IQUB: variants seen among roughly 807,000 people sequenced by gnomAD.
IQUB encodes IQ motif and ubiquitin domain containing, also known as IQ motif and ubiquitin-like domain-containing protein.
Under a neutral mutation model 86.4 loss-of-function variants are expected in IQUB, and 86 were observed. The observed-to-expected ratio is 1.00, with a 90% CI of 0.84 to 1.19. The LOEUF is 1.19. IQUB is among the 50% of genes most tolerant of loss of function. The pLI is 0.00. For missense variants in IQUB, 946 were observed against 916.9 expected, an observed-to-expected ratio of 1.03 and a Z score of -0.41; for synonymous variants, 289 against 304.5, an observed-to-expected ratio of 0.95 and a Z score of 0.53.
intron 12 of IQUB, among the ~76,000 whole-genome samples, chr7:123,453,288 TTAA>T (rs1374456306): frequency 8.2e-6 from 1 of 122,596 alleles, no homozygotes; most frequent in African/African-American, 2.7e-5. Flanking sequence ...ATATATATTA[TTAA>T]TGTTATAGAT....
In IQUB at chr7:123,496,812, G is replaced by A; in HGVS notation, c.1118C>T (p.Thr373Ile). The A allele has an allele frequency of 6.2e-7, 1 of 1,612,418 alleles. No individual in the cohort carries two copies. ...RQKSLRLEWE[T>I]QQELRKIREK... ...TCTTATCTTCCTTAGTTCTTGCTGT[G>A]TTTCCCATTCCAGTCTTAAGCTTTT... The change falls in exon 7 of 13, where the codon ACA (threonine) becomes ATA (isoleucine). Residue 373 changes from threonine to isoleucine, a missense_variant. Physicochemically the swap from Thr to Ile is moderately conservative, Grantham distance 89. Transcript: ENST00000324698.
intron 8 of IQUB, among the ~76,000 whole-genome samples, chr7:123,473,619 A>G (rs889339954): frequency 6.6e-6 from 1 of 152,068 alleles, no homozygotes; most frequent in Non-Finnish European, 1.5e-5. Flanking sequence ...TCTGTTGCCC[A>G]GGCTGGAGTG....
chr7:123,480,723 A>T (rs1794967412), intron 7 of IQUB, among the ~76,000 whole-genome samples: 1 of 152,050 alleles, frequency 6.6e-6, no homozygotes, highest in Non-Finnish European at 1.5e-5. Context: ...TGTTGATTTC[A>T]GTCATTTCCT....
chr7:123,524,545 G>T (rs1185759588), intron 1 of IQUB, among the ~76,000 whole-genome samples: 1 of 147,276 alleles, frequency 6.8e-6, no homozygotes, highest in Non-Finnish European at 1.5e-5. Flanking sequence ...TTTGTACATT[G>T]ATTTTGTATC....
At chr7:123,458,241 C>G (rs1467480514) in intron 11 of IQUB, 5 of 151,890 alleles carry the variant, frequency 3.3e-5, no homozygotes, top group Non-Finnish European at 7.4e-5. Flanking sequence ...CTTGGAATGA[C>G]TTTTTATCAT....
chr7:123,494,933 A>C (rs552858812), intron 7 of IQUB, among the ~76,000 whole-genome samples: 3 of 152,208 alleles, frequency 2.0e-5, no homozygotes, highest in Admixed American at 2.0e-4. Flanking sequence ...TAACCACACA[A>C]AGATAACAAT....
In IQUB at chr7:123,464,829, A is replaced by G. The variant is rs1382942323; in HGVS notation, c.1758+4T>C. The G allele has an allele frequency of 6.5e-7, 1 of 1,537,486 alleles. No homozygotes were observed. The highest frequency in any genetic ancestry group is 2.2e-5 in the Admixed American group (1 of 46,112). On this transcript the variant is annotated splice_donor_region_variant and intron_variant, in intron 10 of 12. Transcript: ENST00000324698. ...ACAGGAATATAGAGAAAAATGTAGA[A>G]TACCTTAAGGTATTTTGCAACTTCA...
Position 123,459,653 on chromosome 7 carries a change from A to ACAT in IQUB, c.2007+1701_2007+1703dup, listed in dbSNP as rs762985028. 7 of 152,044 alleles carry ACAT rather than the reference A, an allele frequency of 4.6e-5. No individual in the cohort carries two copies. The East Asian group carries it at 1.2e-3, about 25-fold the overall frequency. The allele number at this position is 152,044 out of a possible 1,614,324, so 9.4% of individuals were successfully genotyped here. On this transcript the variant is annotated intron_variant, in intron 11 of 12. Transcript: ENST00000324698. ...ATCTCCTTATATGTATATATATATA[A>ACAT]CATATATGTATAACATTTTCTATTG...
chr7:123,457,367 T>C lies in IQUB; in HGVS notation c.2193+14A>G. On this transcript the variant is annotated intron_variant, in intron 12 of 12. Coordinates refer to ENST00000324698, the MANE Select transcript of IQUB (RefSeq NM_178827.5). ...GATTAAATTAACTTCCCAAATAAAA[T>C]TCAACTTTCTTACCTCTTCAATACT... is the stretch of plus-strand genomic sequence containing the variant. 1 of 1,602,446 alleles carries C rather than the reference T, an allele frequency of 6.2e-7. No individual in the cohort carries two copies. The highest frequency in any genetic ancestry group is 8.5e-7 in the Non-Finnish European group (1 of 1,175,690).
intron 1 of IQUB, among the ~76,000 whole-genome samples, chr7:123,522,899 A>T (rs935094944): frequency 6.3e-5 from 8 of 126,084 alleles, no homozygotes; most frequent in South Asian, 2.6e-4. Context: ...TTCCCCTTCC[A>T]GTGTCCATGT....
chr7:123,504,061 G>A (rs1021417881), intron 3 of IQUB, among the ~76,000 whole-genome samples: 1 of 152,042 alleles, frequency 6.6e-6, no homozygotes, highest in Non-Finnish European at 1.5e-5. Flanking sequence ...CATATCAAGA[G>A]GAAGGATAAT....
chr7:123,504,720 T>G (rs370901805), intron 3 of IQUB, among the ~76,000 whole-genome samples: 2 of 152,166 alleles, frequency 1.3e-5, no homozygotes, highest in African/African-American at 4.8e-5. Context: ...CCTCCAACAC[T>G]GAGGATTACA....
chr7:123,460,731 T>C lies in IQUB; in HGVS notation c.2007+626A>G, dbSNP rs566161798. Among the ~76,000 whole-genome samples the C allele has an allele frequency of 2.6e-5, 4 of 152,020 alleles. No homozygotes were observed. The South Asian group carries it at 6.2e-4, about 24-fold the overall frequency. ...AGACTATCCTCTGGCCTAAACCCAA[T>C]AGAAGACATGGAATAACCAAAGAGA... On this transcript the variant is annotated intron_variant, in intron 11 of 12. Coordinates refer to ENST00000324698, the MANE Select transcript of IQUB (RefSeq NM_178827.5).
intron 9 of IQUB, among the ~76,000 whole-genome samples, chr7:123,468,796 G>A (rs1298111388): frequency 1.3e-5 from 2 of 152,104 alleles, no homozygotes; most frequent in Non-Finnish European, 2.9e-5. Context: ...TTTGATCTGT[G>A]ACATCCACTA....
chr7:123,458,244 T>C (rs1163735839), intron 11 of IQUB: 1 of 152,022 alleles, frequency 6.6e-6, no homozygotes, highest in African/African-American at 2.4e-5. Flanking sequence ...GGAATGACTT[T>C]TTATCATGGG....
chr7:123,505,235 G>C (rs1796124287), intron 3 of IQUB, among the ~76,000 whole-genome samples: 1 of 152,206 alleles, frequency 6.6e-6, no homozygotes, highest in African/African-American at 2.4e-5. Context: ...AGCTGGCACT[G>C]AGTGTCTGCG....
At chr7:123,486,357 C>A (rs1006615084) in intron 7 of IQUB, among the ~76,000 whole-genome samples, 4 of 152,158 alleles carry the variant, frequency 2.6e-5, no homozygotes, top group African/African-American at 9.7e-5. Context: ...CCTGCACACC[C>A]TTTGAAGCCT....
At chr7:123,491,723 G>C (rs1795474159) in intron 7 of IQUB, among the ~76,000 whole-genome samples, 2 of 152,250 alleles carry the variant, frequency 1.3e-5, no homozygotes, top group South Asian at 4.1e-4. Context: ...TCCAGACCTA[G>C]TTGGTGTCAC....
rs1053099289 is a variant in IQUB at position 123,527,169 on chromosome 7, C to T, written c.-5+7323G>A. On this transcript the variant is annotated intron_variant, in intron 1 of 12. Coordinates refer to ENST00000324698, the MANE Select transcript of IQUB (RefSeq NM_178827.5). Reference sequence around the variant, plus strand: ...GAGCCTTGGTTTTCAGCTCCATCAGCTCCTTTAAGCACTTTTCTTTATTGG... The same window carrying T: ...GAGCCTTGGTTTTCAGCTCCATCAGTTCCTTTAAGCACTTTTCTTTATTGG... 6.6e-5 allele frequency among the ~76,000 whole-genome samples: 10 copies of T among 152,140 alleles called. No individual in the cohort carries two copies. The East Asian group carries it at 7.7e-4, about 12-fold the overall frequency.
Sources: gnomAD v4.1 joint callset for allele counts (sites outside exome capture counted in the v4.1 genomes callset) on GRCh38, gnomAD v4.1.1 for gene constraint, MANE v1.5 for transcripts, NCBI Gene and HGNC (gene_info 2026-07-23, HGNC 2026-07-21) for gene names.